The following TASP1 variants were observed in gnomAD, a reference collection of about 807,000 sequenced individuals.
TASP1 encodes the protein threonine aspartase 1.
Under a neutral mutation model 56.6 loss-of-function variants are expected in TASP1, and 16 were observed. That is an observed-to-expected ratio of 0.28 (90% CI 0.19 to 0.43). TASP1 has a LOEUF of 0.43. Among genes scored for constraint, TASP1 ranks in the 20% least tolerant of loss-of-function variants. The probability of loss-of-function intolerance (pLI) is 1.00; values close to 1 mark genes in which losing one functional copy is unlikely to be tolerated. For synonymous variants in TASP1, 179 were observed against 184.2 expected, an observed-to-expected ratio of 0.97 and a Z score of 0.23; for missense variants, 393 against 511.6, an observed-to-expected ratio of 0.77 and a Z score of 2.24.
intron 12 of TASP1, among the ~76,000 whole-genome samples, chr20:13,431,763 T>C (rs1600770440): frequency 6.6e-6 from 1 of 152,288 alleles, no homozygotes; most frequent in East Asian, 1.9e-4. Context: ...GACTCTGCCC[T>C]CATGAATGGA....
At chr20:13,306,733 C>T in the TASP1 span, among the ~76,000 whole-genome samples, 1 of 152,098 alleles carries the variant, frequency 6.6e-6, no homozygotes, top group Middle Eastern at 3.4e-3. Flanking sequence ...TGACTTTTCC[C>T]AAAGAACCTT....
At chr20:13,123,727 A>T in the TASP1 span, among the ~76,000 whole-genome samples, 1 of 152,110 alleles carries the variant, frequency 6.6e-6, no homozygotes, top group African/African-American at 2.4e-5. Flanking sequence ...GGACAGGCCC[A>T]TGCCTTTTTG....
chr20:13,476,825 C>T (rs552265951), intron 11 of TASP1, among the ~76,000 whole-genome samples: 2 of 152,112 alleles, frequency 1.3e-5, no homozygotes, highest in Admixed American at 1.3e-4. Context: ...AGCTAAATAT[C>T]ACAGCATTTA....
chr20:13,565,087 A>G (rs562276284), intron 7 of TASP1, among the ~76,000 whole-genome samples: 8 of 152,244 alleles, frequency 5.3e-5, no homozygotes, highest in Admixed American at 5.2e-4. Context: ...GTTCAAAAAT[A>G]AACTCTCACA....
chr20:13,415,508 G>A (rs569716503), intron 13 of TASP1, among the ~76,000 whole-genome samples: 4 of 146,508 alleles, frequency 2.7e-5, no homozygotes, highest in South Asian at 4.3e-4. Context: ...AAGGAAGGAA[G>A]AGGGATTAAC....
At chr20:13,230,416 C>CA in the TASP1 span, among the ~76,000 whole-genome samples, 3 of 152,114 alleles carry the variant, frequency 2.0e-5, no homozygotes, top group African/African-American at 7.2e-5. Flanking sequence ...TCCATTATCT[C>CA]AGTTTCTTTA....
intron 13 of TASP1, among the ~76,000 whole-genome samples, chr20:13,392,428 T>C (rs1008885210): frequency 6.6e-6 from 1 of 152,216 alleles, no homozygotes; most frequent in Non-Finnish European, 1.5e-5. Context: ...GTCTTGGTTT[T>C]GAATCTTTAG....
intron 10 of TASP1, among the ~76,000 whole-genome samples, chr20:13,510,449 T>A (rs2044287555): frequency 6.6e-6 from 1 of 152,180 alleles, no homozygotes; most frequent in South Asian, 2.1e-4. Context: ...GTGGTGGCAT[T>A]TTTTTATCTA....
At chr20:13,279,593 G>A in the TASP1 span, 5 of 1,579,392 alleles carry the variant, frequency 3.2e-6, no homozygotes, top group South Asian at 3.4e-5. Context: ...CTTGGAGGCT[G>A]TTGACTCCAC....
At chr20:13,294,990 A>C in the TASP1 span, among the ~76,000 whole-genome samples, 8 of 152,078 alleles carry the variant, frequency 5.3e-5, no homozygotes, top group Admixed American at 2.6e-4. Flanking sequence ...CTGAGTTCAT[A>C]AGACATGCCC....
At chr20:13,633,587 TTTACAG>T (rs2049179239) in intron 1 of TASP1, among the ~76,000 whole-genome samples, 1 of 152,192 alleles carries the variant, frequency 6.6e-6, no homozygotes, top group African/African-American at 2.4e-5. Context: ...GTATTTGGTC[TTTACAG>T]TTAAGATGAG....
intron 4 of TASP1, chr20:13,614,892 A>G: frequency 2.2e-6 from 1 of 457,632 alleles, no homozygotes. Context: ...AACAGAAAAG[A>G]CAAATGTAGC....
At chr20:13,321,253 T>TA in the TASP1 span, among the ~76,000 whole-genome samples, 1,293 of 57,502 alleles carry the variant, frequency 0.022, 55 homozygotes, top group African/African-American at 0.029. Flanking sequence ...GTGCCCCACA[T>TA]AAAAAAAAAA....
the TASP1 span, chr20:13,239,187 A>G: frequency 6.6e-6 from 1 of 152,242 alleles, no homozygotes; most frequent in Non-Finnish European, 1.5e-5. Context: ...GAAATAATGA[A>G]AGGCAAGTTC....
the TASP1 span, among the ~76,000 whole-genome samples, chr20:13,207,892 G>T: frequency 6.6e-6 from 1 of 151,988 alleles, no homozygotes; most frequent in South Asian, 2.1e-4. Flanking sequence ...TATCAGTTGG[G>T]CAGAGAAACA....
chr20:13,363,738 C>T, the TASP1 span, among the ~76,000 whole-genome samples: 1 of 152,232 alleles, frequency 6.6e-6, no homozygotes, highest in South Asian at 2.1e-4. Context: ...AGTTAAATTA[C>T]AGGACACCTA....
the TASP1 span, among the ~76,000 whole-genome samples, chr20:13,212,253 A>G: frequency 6.6e-6 from 1 of 152,150 alleles, no homozygotes; most frequent in Non-Finnish European, 1.5e-5. Flanking sequence ...TGCTATATGA[A>G]TGTTCTACAA....
the TASP1 span, chr20:13,160,051 G>A: frequency 6.2e-7 from 1 of 1,613,590 alleles, no homozygotes; most frequent in Non-Finnish European, 8.5e-7. Context: ...TGGTGGTCGT[G>A]GGATTTCCAG....
the TASP1 span, among the ~76,000 whole-genome samples, chr20:13,257,625 C>A: frequency 6.6e-6 from 1 of 151,668 alleles, no homozygotes; most frequent in South Asian, 2.1e-4. Context: ...GTTTTGTTGA[C>A]GAGACCTGAT....
Sources: gnomAD v4.1 joint callset for allele counts (sites outside exome capture counted in the v4.1 genomes callset) on GRCh38, gnomAD v4.1.1 for gene constraint, MANE v1.5 for transcripts, NCBI Gene and HGNC (gene_info 2026-07-23, HGNC 2026-07-21) for gene names.